RARB: variants seen among roughly 807,000 people sequenced by gnomAD.
RARB encodes the protein retinoic acid receptor beta, also known as HBV-activated protein.
In RARB, 17 loss-of-function variants were observed where a neutral mutation model predicts 51.9. The observed-to-expected ratio is 0.33, with a 90% CI of 0.22 to 0.49. The LOEUF (loss-of-function observed/expected upper bound fraction) is 0.49. Ranked by LOEUF, RARB falls within the 20% of genes least tolerant of loss-of-function variation. The pLI is 0.99. For synonymous variants in RARB, 215 were observed against 195.4 expected, an observed-to-expected ratio of 1.10 and a Z score of -0.84; for missense variants, 369 against 550.8, an observed-to-expected ratio of 0.67 and a Z score of 3.30.
intron 2 of RARB, among the ~76,000 whole-genome samples, chr3:24,982,662 T>G (rs1696703306): frequency 6.6e-6 from 1 of 152,178 alleles, no homozygotes; most frequent in African/African-American, 2.4e-5. Flanking sequence ...TTCTCCTCTT[T>G]CCATAATTCC....
At chr3:25,175,520 G>A (rs1028200855) in intron 5 of RARB, among the ~76,000 whole-genome samples, 5 of 152,084 alleles carry the variant, frequency 3.3e-5, no homozygotes, top group African/African-American at 9.7e-5. Context: ...TGTGCTCTTC[G>A]TGCCTTCAGT....
chr3:25,434,102 C>T (rs1409262599), intron 1 of RARB, among the ~76,000 whole-genome samples: 8 of 152,182 alleles, frequency 5.3e-5, no homozygotes, highest in African/African-American at 1.9e-4. Context: ...GTCAGCAAGG[C>T]GACTCAACCT....
At chr3:25,384,791 T>G (rs986619538) in intron 5 of RARB, among the ~76,000 whole-genome samples, 1 of 152,228 alleles carries the variant, frequency 6.6e-6, no homozygotes, top group African/African-American at 2.4e-5. Flanking sequence ...AGTCCAACCT[T>G]CTTTATGCTT....
intron 2 of RARB, among the ~76,000 whole-genome samples, chr3:24,871,328 G>A (rs1178508094): frequency 2.6e-5 from 4 of 152,072 alleles, no homozygotes; most frequent in Non-Finnish European, 2.9e-5. Context: ...TCTCTTGATG[G>A]TCAATCAAAT....
chr3:25,558,757 C>T (rs577250677), intron 3 of RARB, among the ~76,000 whole-genome samples: 1 of 152,268 alleles, frequency 6.6e-6, no homozygotes, highest in South Asian at 2.1e-4. Flanking sequence ...TCCCTACTCC[C>T]CACCAGCTAC....
At chr3:25,533,625 G>A (rs921558683) in intron 3 of RARB, among the ~76,000 whole-genome samples, 7 of 152,108 alleles carry the variant, frequency 4.6e-5, no homozygotes, top group Admixed American at 3.9e-4. Flanking sequence ...ATATATCTAG[G>A]TTTCTACTTT....
intron 2 of RARB, among the ~76,000 whole-genome samples, chr3:24,935,711 G>C (rs1695534825): frequency 6.6e-6 from 1 of 152,116 alleles, no homozygotes. Context: ...AGTAGGCCTG[G>C]CAGGATGAGA....
At chr3:25,000,474 C>A (rs1697135951) in intron 2 of RARB, among the ~76,000 whole-genome samples, 1 of 152,036 alleles carries the variant, frequency 6.6e-6, no homozygotes, top group African/African-American at 2.4e-5. Flanking sequence ...TATCTTATTT[C>A]AGGGTTTTTC....
chr3:25,357,801 A>C (rs1191749413), intron 5 of RARB, among the ~76,000 whole-genome samples: 1 of 151,116 alleles, frequency 6.6e-6, no homozygotes, highest in Non-Finnish European at 1.5e-5. Context: ...TTGTCCGGTC[A>C]AAGATCAGAT....
intron 1 of RARB, among the ~76,000 whole-genome samples, chr3:24,856,111 T>C (rs1173337820): frequency 6.6e-6 from 1 of 152,126 alleles, no homozygotes; most frequent in Admixed American, 6.5e-5. Flanking sequence ...ATATTTTGAG[T>C]ATCTTCATTC....
chr3:25,199,937 T>A (rs531869055), intron 5 of RARB, among the ~76,000 whole-genome samples: 12 of 152,324 alleles, frequency 7.9e-5, no homozygotes, highest in Middle Eastern at 6.8e-3. Flanking sequence ...GCAGCATGAT[T>A]TATAATCCTT....
chr3:25,224,417 A>G (rs1328183367), intron 5 of RARB, among the ~76,000 whole-genome samples: 3 of 152,174 alleles, frequency 2.0e-5, no homozygotes, highest in African/African-American at 7.2e-5. Context: ...ACATACAAAT[A>G]AAGAACAAAT....
intron 2 of RARB, among the ~76,000 whole-genome samples, chr3:25,055,774 A>G (rs1297585390): frequency 6.6e-6 from 1 of 152,064 alleles, no homozygotes; most frequent in Non-Finnish European, 1.5e-5. Context: ...ATACCCCGGA[A>G]TCATCACAAC....
intron 5 of RARB, among the ~76,000 whole-genome samples, chr3:25,342,354 C>A (rs1346239993): frequency 6.6e-6 from 1 of 152,142 alleles, no homozygotes; most frequent in Non-Finnish European, 1.5e-5. Flanking sequence ...TGGATGCCAA[C>A]CCTTTCAAAA....
At chr3:25,317,139 G>A (rs1448360037) in intron 5 of RARB, among the ~76,000 whole-genome samples, 3 of 100,352 alleles carry the variant, frequency 3.0e-5, no homozygotes, top group Admixed American at 9.7e-5. Flanking sequence ...ATCATAGAAA[G>A]TATCTTATTA....
At chr3:25,385,893 C>G (rs1169754288) in intron 5 of RARB, among the ~76,000 whole-genome samples, 18 of 152,172 alleles carry the variant, frequency 1.2e-4, no homozygotes, top group Admixed American at 1.2e-3. Context: ...CTCACAGATA[C>G]ACCGTGATCA....
chr3:25,222,869 C>T (rs909512970), intron 5 of RARB, among the ~76,000 whole-genome samples: 4 of 152,080 alleles, frequency 2.6e-5, no homozygotes, highest in Non-Finnish European at 4.4e-5. Flanking sequence ...TTGTGAAGAG[C>T]AAAGCTAACG....
chr3:24,892,730 C>A (rs1703409877), intron 2 of RARB, among the ~76,000 whole-genome samples: 1 of 152,146 alleles, frequency 6.6e-6, no homozygotes, highest in Non-Finnish European at 1.5e-5. Flanking sequence ...TCAGTCATTA[C>A]CACTGCATTT....
Position 24,845,173 on chromosome 3 carries a change from G to C in RARB, c.-458-13501G>C, listed in dbSNP as rs193093485. ...TCATTATTCATGGGAATTTGCATTA[G>C]GAGTGACATATTTAAAATGGCATAA... On this transcript the variant is annotated intron_variant, in intron 1 of 11. Coordinates refer to the RARB transcript ENST00000383772. Among the ~76,000 whole-genome samples, 251 of 152,230 alleles carry C rather than the reference G, an allele frequency of 1.6e-3. 1 individual carries two copies. The highest frequency in any genetic ancestry group is 5.5e-3 in the African/African-American group (230 of 41,536).
Sources: allele counts gnomAD v4.1 joint callset (sites outside exome capture counted in the v4.1 genomes callset), GRCh38; gene constraint gnomAD v4.1.1; transcripts MANE v1.5; gene names NCBI Gene and HGNC (gene_info 2026-07-23, HGNC 2026-07-21).